The following DNM3 variants were observed in gnomAD, a reference collection of about 807,000 sequenced individuals.
DNM3 encodes the protein dynamin-3.
In DNM3, 47 loss-of-function variants were observed where a neutral mutation model predicts 101.6. The ratio of observed to expected loss-of-function variants is 0.46; its 90% CI spans 0.37 to 0.59. The LOEUF (loss-of-function observed/expected upper bound fraction) is 0.59, where lower values mean the gene tolerates loss of function less well. Among genes scored for constraint, DNM3 ranks in the 20% least tolerant of loss-of-function variants. The pLI is 0.00. For synonymous variants in DNM3, 385 were observed against 387.9 expected (o/e 0.99, Z 0.09); for missense variants, 849 against 1,085.7 (o/e 0.78, Z 3.06).
At chr1:172,022,529 C>A (rs2047918043) in intron 4 of DNM3, among the ~76,000 whole-genome samples, 1 of 151,996 alleles carries the variant, frequency 6.6e-6, no homozygotes, top group Non-Finnish European at 1.5e-5. Context: ...AAAGAAAATA[C>A]TTCTATAATC....
intron 1 of DNM3, among the ~76,000 whole-genome samples, chr1:171,921,073 G>A (rs1001438805): frequency 1.3e-5 from 2 of 151,562 alleles, no homozygotes; most frequent in Admixed American, 6.6e-5. Flanking sequence ...AGAGGCCCAC[G>A]CCACCACGTC....
chr1:171,874,638 A>G (rs1456358150), intron 1 of DNM3, among the ~76,000 whole-genome samples: 1 of 152,146 alleles, frequency 6.6e-6, no homozygotes, highest in African/African-American at 2.4e-5. Context: ...CTACTCTTGT[A>G]CTTATTCAGC....
At chr1:172,406,195 G>C (rs974042477) in intron 20 of DNM3, among the ~76,000 whole-genome samples, 1 of 151,898 alleles carries the variant, frequency 6.6e-6, no homozygotes, top group African/African-American at 2.4e-5. Flanking sequence ...TCAGGAGAGG[G>C]GAAGGCAGGT....
chr1:172,209,906 A>G (rs1386144717), intron 14 of DNM3, among the ~76,000 whole-genome samples: 5 of 152,178 alleles, frequency 3.3e-5, no homozygotes, highest in Non-Finnish European at 7.4e-5. Flanking sequence ...TAATACAACC[A>G]TCAAAATGCA....
At chr1:172,352,018 A>G (rs1053806594) in intron 17 of DNM3, among the ~76,000 whole-genome samples, 13 of 152,292 alleles carry the variant, frequency 8.5e-5, no homozygotes, top group South Asian at 2.1e-4. Flanking sequence ...CCACTGGTGG[A>G]TTGTGGTTTT....
chr1:172,032,645 T>C, intron 5 of DNM3, 145 bp downstream of exon 5: 2 of 496,508 alleles, frequency 4.0e-6, no homozygotes, highest in Non-Finnish European at 7.0e-6. Context: ...TTATTAGTTA[T>C]ACTTTTCTGG....
chr1:172,279,147 T>C (rs555925134), intron 15 of DNM3, among the ~76,000 whole-genome samples: 2 of 152,306 alleles, frequency 1.3e-5, no homozygotes, highest in East Asian at 1.9e-4. Context: ...AATTAATTTA[T>C]GTTGGATTGA....
At chr1:172,308,986 T>G in intron 16 of DNM3, 147 bp downstream of exon 16, 1 of 431,092 alleles carries the variant, frequency 2.3e-6, no homozygotes, top group Non-Finnish European at 4.1e-6. Flanking sequence ...GCTTACTCTT[T>G]TTATATTTTT....
chr1:171,907,991 G>T (rs540827656), intron 1 of DNM3, among the ~76,000 whole-genome samples: 1 of 152,254 alleles, frequency 6.6e-6, no homozygotes, highest in East Asian at 1.9e-4. Context: ...GTATCTCATT[G>T]TAAGAAATAC....
At chr1:172,075,322 T>C (rs949438813) in intron 11 of DNM3, among the ~76,000 whole-genome samples, 11 of 152,216 alleles carry the variant, frequency 7.2e-5, no homozygotes, top group African/African-American at 1.9e-4. Context: ...TTTAATTAGA[T>C]CCCATTTGTC....
At chr1:172,321,950 G>A (rs6424867) in intron 16 of DNM3, among the ~76,000 whole-genome samples, 21,296 of 151,728 alleles carry the variant, frequency 0.14, 2,589 homozygotes, top group African/African-American at 0.33. Context: ...CCCTTCATTC[G>A]TTCTTATGCC....
intron 14 of DNM3, among the ~76,000 whole-genome samples, chr1:172,164,301 G>A (rs1558663547): frequency 6.9e-6 from 1 of 145,564 alleles, no homozygotes. Context: ...GACAGGCAGT[G>A]TTAAGGTCTG....
In DNM3 at chr1:172,408,406, C is replaced by G. The variant is rs547423178; in HGVS notation, c.*565C>G. ...CCTTAAGAATAAACTTTTCCAGAAG[C>G]ACGAGGTAGTTTGCAAAGGAAAAGT... On this transcript the variant is annotated 3_prime_UTR_variant, in exon 21 of 21. Coordinates refer to ENST00000627582, the MANE Select transcript of DNM3 (RefSeq NM_015569.5). 1.2e-5 allele frequency: 12 copies of G among 985,814 alleles called. No homozygotes were observed. The East Asian group carries it at 1.1e-3, about 93-fold the overall frequency. 61.1% of individuals were successfully genotyped at this position (985,814 alleles called of 1,614,324 possible). A position where few individuals can be genotyped will look rare whatever the true frequency, so the allele number is the denominator to read the frequency against.
At chr1:172,303,829 TGA>T (rs1254435778) in intron 15 of DNM3, among the ~76,000 whole-genome samples, 1 of 152,098 alleles carries the variant, frequency 6.6e-6, no homozygotes, top group Non-Finnish European at 1.5e-5. Flanking sequence ...AAGCAAATGC[TGA>T]GAGATTTTGT....
intron 2 of DNM3, among the ~76,000 whole-genome samples, chr1:171,979,888 T>A (rs1010803835): frequency 1.3e-4 from 20 of 152,346 alleles, no homozygotes; most frequent in African/African-American, 4.8e-4. Flanking sequence ...TGAATTTGCA[T>A]CTTGGTTTTC....
intron 14 of DNM3, among the ~76,000 whole-genome samples, chr1:172,225,134 C>CTTTTTTTTT (rs1168334078): frequency 4.9e-4 from 32 of 65,528 alleles, no homozygotes; most frequent in African/African-American, 8.6e-4. Flanking sequence ...TCTTCTTCCT[C>CTTTTTTTTT]TTTTTTTTTT....
chr1:171,979,810 C>G (rs1003551390), intron 2 of DNM3, among the ~76,000 whole-genome samples: 5 of 152,150 alleles, frequency 3.3e-5, no homozygotes, highest in African/African-American at 4.8e-5. Flanking sequence ...CTCTCTTGAC[C>G]CTGAATACTG....
intron 14 of DNM3, among the ~76,000 whole-genome samples, chr1:172,227,305 T>TATATATATATATAC (rs55678931): frequency 7.3e-6 from 1 of 136,128 alleles, no homozygotes; most frequent in Admixed American, 7.3e-5. Flanking sequence ...TATATATATA[T>TATATATATATATAC]CACATTTTCT....
At chr1:172,165,628 C>T (rs1160881029) in intron 14 of DNM3, among the ~76,000 whole-genome samples, 3 of 152,030 alleles carry the variant, frequency 2.0e-5, no homozygotes, top group Non-Finnish European at 4.4e-5. Context: ...ATGAAATCTA[C>T]AGCAACCAAC....
Sources: allele counts gnomAD v4.1 joint callset (sites outside exome capture counted in the v4.1 genomes callset), GRCh38; gene constraint gnomAD v4.1.1; transcripts MANE v1.5; gene names NCBI Gene and HGNC (gene_info 2026-07-23, HGNC 2026-07-21).